STS: variants seen among roughly 807,000 people sequenced by gnomAD.
STS encodes steryl-sulfatase.
In STS, 7 loss-of-function variants were observed where a neutral mutation model predicts 26.8. That is an observed-to-expected ratio of 0.26 (90% CI 0.15 to 0.49). The LOEUF (loss-of-function observed/expected upper bound fraction) is 0.49, where lower values mean the gene tolerates loss of function less well. Ranked by LOEUF, STS falls within the 20% of genes least tolerant of loss-of-function variation. The pLI, the probability that STS is intolerant of heterozygous loss-of-function variation, is 0.98. For synonymous variants in STS, 199 were observed against 189.4 expected, an observed-to-expected ratio of 1.05 and a Z score of -0.42; for missense variants, 434 against 465.6, an observed-to-expected ratio of 0.93 and a Z score of 0.63.
At chrX:7,337,419 G>C (rs1928086525) in intron 10 of STS, among the ~76,000 whole-genome samples, 1 of 111,646 alleles carries the variant, frequency 9.0e-6, no homozygotes, top group South Asian at 3.8e-4. Context: ...CATCCATATG[G>C]AGCTTTCTGT....
chrX:7,156,244 T>C (rs938404499), intron 1 of STS, among the ~76,000 whole-genome samples: 6 of 111,144 alleles, frequency 5.4e-5, no homozygotes, highest in Non-Finnish European at 7.5e-5. Context: ...TACACACATA[T>C]AGATGCATGC....
chrX:7,148,112 A>C (rs1932919912), intron 1 of STS, 29 bp downstream of exon 1: 3 of 1,098,618 alleles, frequency 2.7e-6, no homozygotes, highest in East Asian at 8.2e-5. Flanking sequence ...GGGCGCCGCC[A>C]TGGTGGCGCC....
At chrX:7,336,603 C>G (rs1928042844) in intron 10 of STS, among the ~76,000 whole-genome samples, 1 of 111,976 alleles carries the variant, frequency 8.9e-6, no homozygotes, top group Admixed American at 9.5e-5. Flanking sequence ...CATGTGGCCA[C>G]AATTCCTAGT....
intron 9 of STS, among the ~76,000 whole-genome samples, chrX:7,330,220 A>T (rs1190260635): frequency 8.9e-6 from 1 of 112,103 alleles, no homozygotes; most frequent in African/African-American, 3.2e-5. Flanking sequence ...GAAGAATCGA[A>T]TATCTAAATG....
chrX:7,271,385 A>G (rs1236323299), intron 6 of STS, among the ~76,000 whole-genome samples: 1 of 110,616 alleles, frequency 9.0e-6, no homozygotes, highest in African/African-American at 3.3e-5. Flanking sequence ...CAATTTGCCC[A>G]GGTGTGAGTA....
chrX:7,219,706 G>A, intron 2 of STS: 1 of 1,211,002 alleles, frequency 8.3e-7, no homozygotes, highest in South Asian at 1.8e-5. Flanking sequence ...TATTCCCCTG[G>A]CCAGGCTGGG....
At chrX:7,306,597 G>A (rs1384938277) in intron 8 of STS, among the ~76,000 whole-genome samples, 2 of 111,870 alleles carry the variant, frequency 1.8e-5, no homozygotes, top group Non-Finnish European at 1.9e-5. Context: ...AGATGATGAC[G>A]TGAAGCCTGG....
At chrX:7,151,605 C>T (rs1490163016) in intron 1 of STS, among the ~76,000 whole-genome samples, 4 of 112,323 alleles carry the variant, frequency 3.6e-5, no homozygotes, top group East Asian at 2.8e-4. Context: ...TGGCTGAATT[C>T]GCCACTCCTG....
chrX:7,149,801 G>T (rs868030945), intron 1 of STS, among the ~76,000 whole-genome samples: 1 of 111,308 alleles, frequency 9.0e-6, no homozygotes, highest in Non-Finnish European at 1.9e-5. Flanking sequence ...TCCTTTCCCT[G>T]TATCTTGTCC....
intron 8 of STS, among the ~76,000 whole-genome samples, chrX:7,312,280 C>T (rs928036529): frequency 2.7e-5 from 3 of 111,464 alleles, no homozygotes; most frequent in Non-Finnish European, 5.7e-5. Context: ...CCTGGACCAC[C>T]AAATCAAAAG....
intron 2 of STS, among the ~76,000 whole-genome samples, chrX:7,216,435 T>C (rs1921315472): frequency 8.9e-6 from 1 of 112,282 alleles, no homozygotes; most frequent in African/African-American, 3.2e-5. Context: ...GAGGGACTTT[T>C]ATTCAAAAAG....
intron 1 of STS, among the ~76,000 whole-genome samples, chrX:7,149,308 A>C (rs565127478): frequency 8.9e-6 from 1 of 112,057 alleles, no homozygotes; most frequent in East Asian, 2.8e-4. Context: ...CATAGTGGAC[A>C]GGGGCATGCC....
intron 1 of STS, among the ~76,000 whole-genome samples, chrX:7,174,830 G>C (rs181696705): frequency 5.4e-5 from 6 of 110,936 alleles, no homozygotes; most frequent in African/African-American, 2.0e-4. Context: ...CTTGTACTCA[G>C]TCCTTAGATG....
chrX:7,225,003 C>G (rs1176324040), intron 2 of STS, among the ~76,000 whole-genome samples: 1 of 112,255 alleles, frequency 8.9e-6, no homozygotes, highest in Non-Finnish European at 1.9e-5. Context: ...AAGCCTCTGG[C>G]TAAGGTGTAA....
chrX:7,271,122 A>G (rs1924250952), intron 6 of STS, among the ~76,000 whole-genome samples: 1 of 109,956 alleles, frequency 9.1e-6, no homozygotes, highest in Non-Finnish European at 1.9e-5. Context: ...GTTCTCAGCA[A>G]ATTCTGTCAC....
At position 7,323,790 on chromosome X, in the gene STS, C is replaced by G. The variant is rs558136379; in HGVS notation, c.1082-1549C>G. Among the ~76,000 whole-genome samples, 77 of 111,651 alleles carry G rather than the reference C, an allele frequency of 6.9e-4. 1 individual carries two copies. The South Asian group carries it at 0.026, about 37-fold the overall frequency. On this transcript the variant is annotated intron_variant, in intron 8 of 10. Transcript: ENST00000674429. The stretch of plus-strand genomic sequence containing the variant: ...AGGGCTATGTTTCTTGCTGAAAGCT[C>G]TAGGGGAGAATCTTATTCCTTGCCT...
At position 7,296,974 on chromosome X, in the gene STS, A is replaced by C. The variant is rs551921268; in HGVS notation, c.944-8072A>C. On this transcript the variant is annotated intron_variant, in intron 7 of 10. Transcript: ENST00000674429. ...GAGGGAAACCCAGTCAAGTGAAGAC[A>C]GGGTTATCTGTAGAATGGCGACATT... Among the ~76,000 whole-genome samples, 40 of 112,507 alleles carry C rather than the reference A, an allele frequency of 3.6e-4. No individual in the cohort carries two copies. The East Asian group carries it at 7.1e-3, about 20-fold the overall frequency.
intron 2 of STS, among the ~76,000 whole-genome samples, chrX:7,206,104 T>C (rs1304417385): frequency 8.9e-6 from 1 of 111,866 alleles, no homozygotes; most frequent in Non-Finnish European, 1.9e-5. Flanking sequence ...TGGGTTTATA[T>C]TCCTTCATCG....
rs756862322 is a variant in STS at position 7,242,431 on chromosome X, TA to T, written c.-4-10753del. Among the ~76,000 whole-genome samples, 185 of 101,142 alleles carry T rather than the reference TA, an allele frequency of 1.8e-3. 1 individual carries two copies. The highest frequency in any genetic ancestry group is 5.5e-3 in the African/African-American group (155 of 27,972). 87.8% of individuals were successfully genotyped at this position (101,142 alleles called of 115,157 possible). ...CCCAGAAGGAGAGACCCTGTCTCTA[TA>T]AAAAAAAAAAATTAAAAATTAGCTG... On this transcript the variant is annotated intron_variant, in intron 2 of 10. Transcript: ENST00000674429.
Sources: gnomAD v4.1 joint callset for allele counts (sites outside exome capture counted in the v4.1 genomes callset) on GRCh38, gnomAD v4.1.1 for gene constraint, MANE v1.5 for transcripts, NCBI Gene and HGNC (gene_info 2026-07-23, HGNC 2026-07-21) for gene names.